ZFPM1: variants seen among roughly 807,000 people sequenced by gnomAD.
ZFPM1 encodes the protein zinc finger protein ZFPM1.
In ZFPM1, 28 loss-of-function variants were observed where a neutral mutation model predicts 46.3. The ratio of observed to expected loss-of-function variants is 0.60; its 90% confidence interval spans 0.45 to 0.83. The LOEUF (loss-of-function observed/expected upper bound fraction) is 0.83, where lower values mean the gene tolerates loss of function less well. ZFPM1 is among the 40% of genes least tolerant of loss of function. The pLI is 0.00. For missense variants in ZFPM1, 1,878 were observed against 1,432.4 expected (o/e 1.31, Z -5.02); for synonymous variants, 957 against 675.9 (o/e 1.42, Z -6.45).
At chr16:88,512,787 G>A (rs1390215675) in intron 3 of ZFPM1, among the ~76,000 whole-genome samples, 3 of 152,044 alleles carry the variant, frequency 2.0e-5, no homozygotes, top group East Asian at 1.9e-4. Context: ...CTTCTCTCCC[G>A]TGCCCACCCC....
chr16:88,457,771 A>G (rs1907621521), intron 1 of ZFPM1, among the ~76,000 whole-genome samples: 2 of 152,164 alleles, frequency 1.3e-5, no homozygotes, highest in Admixed American at 1.3e-4. Flanking sequence ...GGTTCCAGAC[A>G]CGAGGCACCG....
At chr16:88,526,468 C>A (rs953299864) in intron 4 of ZFPM1, among the ~76,000 whole-genome samples, 2 of 152,198 alleles carry the variant, frequency 1.3e-5, no homozygotes, top group Admixed American at 1.3e-4. Context: ...TACGCAGACC[C>A]GGGTGTGAGT....
intron 1 of ZFPM1, among the ~76,000 whole-genome samples, chr16:88,481,019 A>C (rs1020896423): frequency 6.6e-6 from 1 of 152,276 alleles, no homozygotes; most frequent in Non-Finnish European, 1.5e-5. Context: ...GGAGTTGATG[A>C]AATTCCGCTA....
rs1425539456 is a variant in ZFPM1 at position 88,497,070 on chromosome 16, A to G, written c.268+7917A>G. On this transcript the variant is annotated intron_variant, in intron 3 of 9. Transcript: ENST00000319555. This position sits in a 1 kb window ranked among gnomAD's most constrained non-coding sequence, Gnocchi z 5.4. ...GTGCCTCAGGACCTGGAGCTCTCCC[A>G]GGACCACTATGGACAAGGTGAATTC... is the stretch of plus-strand genomic sequence containing the variant. Among the ~76,000 whole-genome samples, 1 of 152,212 alleles carries G rather than the reference A, an allele frequency of 6.6e-6. No homozygotes were observed. Among genetic ancestry groups the G allele is most frequent in the Non-Finnish European group, 1.5e-5 (1 of 68,028 alleles).
rs988291599 is a variant in ZFPM1, at chr16:88,535,432, T to C, written c.*453T>C. 6.5e-6 allele frequency: 1 copy of C among 153,290 alleles called. No homozygotes were observed. The highest frequency in any genetic ancestry group is 2.4e-5 in the African/African-American group (1 of 41,408). The allele number at this position is 153,290 out of a possible 1,614,324, so 9.5% of individuals were successfully genotyped here. A position where few individuals can be genotyped will look rare whatever the true frequency, so the allele number is the denominator to read the frequency against. On this transcript the variant is annotated 3_prime_UTR_variant, in exon 10 of 10. Transcript: ENST00000319555. ...AGAGCAGCCTCCACACTGCTGACCC[T>C]CTCCACGGTCTACTTGGCCGCCAGA...
At chr16:88,531,978 C>G (rs375089066) in intron 6 of ZFPM1, 24 bp from the exon 7 acceptor site, 14 of 1,575,120 alleles carry the variant, frequency 8.9e-6, no homozygotes, top group Non-Finnish European at 1.2e-5. Context: ...TTCAGCCTGA[C>G]CCCGCCTGCT....
intron 2 of ZFPM1, among the ~76,000 whole-genome samples, chr16:88,487,672 G>T (rs967918728): frequency 6.6e-6 from 1 of 152,140 alleles, no homozygotes; most frequent in Non-Finnish European, 1.5e-5. Context: ...GAGTGTCAGG[G>T]TCCCCGCTGG....
At chr16:88,488,619 G>T (rs1225215185) in intron 2 of ZFPM1, among the ~76,000 whole-genome samples, 1 of 152,212 alleles carries the variant, frequency 6.6e-6, no homozygotes, top group African/African-American at 2.4e-5. Context: ...CGGGGCCGAG[G>T]TGGTTATCAG....
intron 1 of ZFPM1, among the ~76,000 whole-genome samples, chr16:88,465,490 C>G (rs1908093389): frequency 6.6e-6 from 1 of 152,260 alleles, no homozygotes; most frequent in Admixed American, 6.5e-5. Context: ...GCACGGGGCC[C>G]TCCTCACAGC....
At chr16:88,531,903 G>A (rs977748786) in intron 6 of ZFPM1, 99 bp from the exon 7 acceptor site, 28 of 1,184,610 alleles carry the variant, frequency 2.4e-5, no homozygotes, top group East Asian at 4.9e-5. Flanking sequence ...TGGGGAGGAC[G>A]GTGGGGTCCG....
At chr16:88,481,307 A>G (rs760228098) in intron 1 of ZFPM1, among the ~76,000 whole-genome samples, 46 of 152,196 alleles carry the variant, frequency 3.0e-4, no homozygotes, top group Admixed American at 5.2e-4. Flanking sequence ...CATCACCCTC[A>G]CTGCAGGTGG....
rs916831745 is a variant in ZFPM1, at chr16:88,499,431, G to A, written c.268+10278G>A. Reference sequence around the variant, plus strand: ...GGGGGCCGCGCAGCGGGTGGGAGACGCAGGCCAGGGCAGAGGAAGCCGGGT... The same window carrying A: ...GGGGGCCGCGCAGCGGGTGGGAGACACAGGCCAGGGCAGAGGAAGCCGGGT... On this transcript the variant is annotated intron_variant, in intron 3 of 9. Transcript: ENST00000319555. Among the ~76,000 whole-genome samples the A allele has an allele frequency of 2.6e-5, 4 of 152,214 alleles. No individual in the cohort carries two copies. The East Asian group carries it at 5.8e-4, about 22-fold the overall frequency.
chr16:88,473,080 C>T (rs1273716289), intron 1 of ZFPM1, among the ~76,000 whole-genome samples: 2 of 152,292 alleles, frequency 1.3e-5, no homozygotes, highest in Non-Finnish European at 2.9e-5. Context: ...TCCGTTTCTG[C>T]AGCTGTGCGG....
At chr16:88,454,216 C>T (rs1597222074) in intron 1 of ZFPM1, among the ~76,000 whole-genome samples, 1 of 152,122 alleles carries the variant, frequency 6.6e-6, no homozygotes. Context: ...TGGCAGGCAC[C>T]GGCCCGCGCC....
At chr16:88,484,553 C>T (rs1414452472) in intron 1 of ZFPM1, among the ~76,000 whole-genome samples, 3 of 152,206 alleles carry the variant, frequency 2.0e-5, no homozygotes, top group South Asian at 2.1e-4. Context: ...AGGAGGGCCA[C>T]GGCCCCTCCC....
chr16:88,472,484 G>C (rs1307357070), intron 1 of ZFPM1, among the ~76,000 whole-genome samples: 1 of 151,424 alleles, frequency 6.6e-6, no homozygotes, highest in Non-Finnish European at 1.5e-5. Flanking sequence ...CTCCTGAGTA[G>C]CTGGGACTAT....
At chr16:88,476,467 G>A (rs970547248) in intron 1 of ZFPM1, among the ~76,000 whole-genome samples, 1 of 152,152 alleles carries the variant, frequency 6.6e-6, no homozygotes, top group African/African-American at 2.4e-5. Context: ...TGGGAACTGG[G>A]GAGGGCTGAG....
intron 1 of ZFPM1, among the ~76,000 whole-genome samples, chr16:88,467,419 G>T (rs531781708): frequency 6.6e-6 from 1 of 152,050 alleles, no homozygotes; most frequent in Non-Finnish European, 1.5e-5. Context: ...CCCTCCCAGC[G>T]GTGCCCACCC....
intron 3 of ZFPM1, among the ~76,000 whole-genome samples, chr16:88,491,305 C>CT (rs1319102883): frequency 6.6e-6 from 1 of 152,210 alleles, no homozygotes; most frequent in Non-Finnish European, 1.5e-5. Flanking sequence ...CTCCCACACT[C>CT]TATCAGTGGA....
Sources: gnomAD v4.1 joint callset for allele counts (sites outside exome capture counted in the v4.1 genomes callset) on GRCh38, gnomAD v4.1.1 for gene constraint, Gnocchi (gnomAD v3.1) non-coding constraint, MANE v1.5 for transcripts, NCBI Gene and HGNC (gene_info 2026-07-23, HGNC 2026-07-21) for gene names.